The following GABRG1 variants were observed in gnomAD, a reference collection of about 807,000 sequenced individuals.
GABRG1 encodes gamma-aminobutyric acid receptor subunit gamma-1.
In GABRG1, 49 loss-of-function variants were observed where a neutral mutation model predicts 49.8. The observed-to-expected ratio is 0.98, with a 90% CI of 0.78 to 1.25. The LOEUF is 1.25. Ranked by LOEUF, GABRG1 falls within the 50% of genes most tolerant of loss-of-function variation. The probability of loss-of-function intolerance (pLI) is 0.00; values close to 1 mark genes in which losing one functional copy is unlikely to be tolerated. For missense variants in GABRG1, 552 were observed against 552.3 expected (o/e 1.00, Z 0.01); for synonymous variants, 232 against 185.1 (o/e 1.25, Z -2.06).
chr4:46,038,129 C>T lies in GABRG1; in HGVS notation c.*2859G>A, dbSNP rs1717603161. The T allele has an allele frequency of 6.6e-6, 1 of 151,642 alleles. No individual in the cohort carries two copies. The allele number at this position is 151,642 out of a possible 1,614,324, so 9.4% of individuals were successfully genotyped here. A position where few individuals can be genotyped will look rare whatever the true frequency, so the allele number is the denominator to read the frequency against. On this transcript the variant is annotated 3_prime_UTR_variant, in exon 9 of 9. Coordinates refer to ENST00000295452, the MANE Select transcript of GABRG1 (RefSeq NM_173536.4). ...CCTCCAATTAGTTATCTAATTCCCA[C>T]TTACATCAAGACTTCAGACTTACTG...
intron 5 of GABRG1, among the ~76,000 whole-genome samples, chr4:46,063,274 C>T (rs891579782): frequency 5.3e-5 from 8 of 152,096 alleles, no homozygotes; most frequent in African/African-American, 1.4e-4. Context: ...AACTATACTA[C>T]AAGGCTACAG....
At chr4:46,042,174 C>T (rs1273655538) in intron 8 of GABRG1, among the ~76,000 whole-genome samples, 1 of 151,864 alleles carries the variant, frequency 6.6e-6, no homozygotes, top group African/African-American at 2.4e-5. Flanking sequence ...CAAGTAATCA[C>T]CTGCCAGTAG....
intron 1 of GABRG1, among the ~76,000 whole-genome samples, chr4:46,109,361 T>TA (rs1720650869): frequency 6.6e-6 from 1 of 151,106 alleles, no homozygotes; most frequent in East Asian, 2.0e-4. Flanking sequence ...GGATTAGTTG[T>TA]AATGTCACCA....
intron 5 of GABRG1, among the ~76,000 whole-genome samples, chr4:46,062,971 G>A (rs912646123): frequency 6.6e-5 from 10 of 151,254 alleles, no homozygotes; most frequent in African/African-American, 2.0e-4. Context: ...GGGACGTGAA[G>A]GACCTCTTCA....
In GABRG1 at chr4:46,057,888, G is replaced by T. The variant is rs138040857; in HGVS notation, c.916+329C>A. On this transcript the variant is annotated intron_variant, in intron 7 of 8. Transcript: ENST00000295452. ...ACATAAAATAAAATCTTGATGAAAC[G>T]TGATAGAAAAACTCAACCAAAATAA... Among the ~76,000 whole-genome samples the T allele has an allele frequency of 9.9e-5, 15 of 152,114 alleles. No individual in the cohort carries two copies. In the South Asian group the frequency reaches 3.1e-3, roughly 32 times the overall value.
intron 8 of GABRG1, among the ~76,000 whole-genome samples, chr4:46,049,623 AT>A (rs1398860249): frequency 1.5e-4 from 23 of 152,054 alleles, no homozygotes; most frequent in African/African-American, 5.5e-4. Flanking sequence ...TTGATGCTAA[AT>A]TTGAAAGACT....
intron 3 of GABRG1, among the ~76,000 whole-genome samples, chr4:46,073,008 A>G (rs1719188913): frequency 6.6e-6 from 1 of 151,950 alleles, no homozygotes; most frequent in Non-Finnish European, 1.5e-5. Flanking sequence ...AGAGTAAAGA[A>G]TTTCATGAAG....
intron 2 of GABRG1, 120 bp from the exon 3 acceptor site, chr4:46,084,173 C>A (rs1719670189): frequency 1.6e-6 from 1 of 607,188 alleles, no homozygotes; most frequent in African/African-American, 1.9e-5. Context: ...CATAAAACAT[C>A]TTTTATTATG....
intron 1 of GABRG1, among the ~76,000 whole-genome samples, chr4:46,122,564 A>ACAAAAG (rs1220350521): frequency 6.6e-6 from 1 of 152,064 alleles, no homozygotes; most frequent in African/African-American, 2.4e-5. Flanking sequence ...CTTCAGTCCT[A>ACAAAAG]CAAAAGCACT....
Position 46,058,466 on chromosome 4 carries a change from A to C in GABRG1, c.763+19T>G. ...CATTTAATGCTAGCATCATTTCACT[A>C]TTTGAGTATTCTTTTTACCAGAGAT... is the stretch of plus-strand genomic sequence containing the variant. On this transcript the variant is annotated intron_variant, in intron 6 of 8. Transcript: ENST00000295452. 6.2e-7 allele frequency: 1 copy of C among 1,610,242 alleles called. No homozygotes were observed. Among genetic ancestry groups the C allele is most frequent in the Non-Finnish European group, 8.5e-7 (1 of 1,178,030 alleles).
Position 46,116,567 on chromosome 4 carries a change from C to T in GABRG1, c.104+7243G>A, listed in dbSNP as rs1288813036. Among the ~76,000 whole-genome samples the T allele has an allele frequency of 2.0e-5, 3 of 150,688 alleles. No homozygotes were observed. The East Asian group carries it at 5.8e-4, about 29-fold the overall frequency. On this transcript the variant is annotated intron_variant, in intron 1 of 8. Transcript: ENST00000295452. ...TGGAAGAAAGAAATCGGAATTCATA[C>T]CTCTGAAGGCAGAAACATATATATT...
chr4:46,111,786 A>G (rs555277541), intron 1 of GABRG1, among the ~76,000 whole-genome samples: 1 of 151,460 alleles, frequency 6.6e-6, no homozygotes, highest in South Asian at 2.1e-4. Context: ...TTGGCTAGCC[A>G]TACGAAGAAG....
chr4:46,114,126 A>G (rs1720807309), intron 1 of GABRG1, among the ~76,000 whole-genome samples: 1 of 151,110 alleles, frequency 6.6e-6, no homozygotes, highest in African/African-American at 2.4e-5. Context: ...CTAGGGTTGT[A>G]GCTCTGAATA....
At position 46,078,857 on chromosome 4, in the gene GABRG1, T is replaced by C. The variant is rs1719457392; in HGVS notation, c.321+5129A>G. 3.9e-5 allele frequency among the ~76,000 whole-genome samples: 6 copies of C among 152,136 alleles called. No homozygotes were observed. In the South Asian group the frequency reaches 1.2e-3, roughly 31 times the overall value. On this transcript the variant is annotated intron_variant, in intron 3 of 8. Transcript: ENST00000295452. ...GAATTTTTTGACACTTCAAGATAGA[T>C]ACCTCAAGGTAGACAGTCTTGAATT...
chr4:46,108,538 C>T (rs1422610194), intron 1 of GABRG1, among the ~76,000 whole-genome samples: 1 of 151,022 alleles, frequency 6.6e-6, no homozygotes, highest in Non-Finnish European at 1.5e-5. Flanking sequence ...AAGTTTTGTG[C>T]TAGGATTCTG....
At position 46,040,158 on chromosome 4, in the gene GABRG1, T is replaced by A. The variant is rs1450662485; in HGVS notation, c.*830A>T. 1 of 151,962 alleles carries A rather than the reference T, an allele frequency of 6.6e-6. No homozygotes were observed. Among genetic ancestry groups the A allele is most frequent in the East Asian group, 1.9e-4 (1 of 5,192 alleles). 9.4% of individuals were successfully genotyped at this position (151,962 alleles called of 1,614,324 possible). On this transcript the variant is annotated 3_prime_UTR_variant, in exon 9 of 9. Transcript: ENST00000295452. Reference sequence around the variant, plus strand: ...AAAGAAAAAAATAATCATTTCTCTCTGCATTTAATTTGCATTAATGTGCAT... The same window carrying A: ...AAAGAAAAAAATAATCATTTCTCTCAGCATTTAATTTGCATTAATGTGCAT...
intron 8 of GABRG1, among the ~76,000 whole-genome samples, chr4:46,046,262 A>T (rs947993884): frequency 2.6e-5 from 4 of 152,126 alleles, no homozygotes; most frequent in African/African-American, 9.7e-5. Flanking sequence ...GATGTTTTAA[A>T]TAGAAATATA....
intron 1 of GABRG1, among the ~76,000 whole-genome samples, chr4:46,106,439 A>C (rs1475602627): frequency 2.6e-5 from 4 of 151,508 alleles, no homozygotes; most frequent in Non-Finnish European, 4.4e-5. Flanking sequence ...AATCTTATAC[A>C]ACAAAAGACT....
rs1350624708 is a variant in GABRG1, at chr4:46,051,508, C to T, written c.1047G>A (p.Met349Ile). 6.2e-7 allele frequency: 1 copy of T among 1,611,346 alleles called. No individual in the cohort carries two copies. Among genetic ancestry groups the T allele is most frequent in the Non-Finnish European group, 8.5e-7 (1 of 1,178,488 alleles). The change falls in exon 8 of 9, where the codon ATG becomes ATA. Residue 349 changes from methionine to isoleucine, a missense_variant. Transcript: ENST00000295452. ...TAAAATAATGCAAGGTTCCATATTC[C>T]ATCAAGGCTGCAAAAACAAAAATGA... ...VCFIFVFAALMEYGTLHYFTS... is the reference protein window; with the variant it reads ...VCFIFVFAALIEYGTLHYFTS...
Sources: gnomAD v4.1 joint callset for allele counts (sites outside exome capture counted in the v4.1 genomes callset) on GRCh38, gnomAD v4.1.1 for gene constraint, MANE v1.5 for transcripts, NCBI Gene and HGNC (gene_info 2026-07-23, HGNC 2026-07-21) for gene names.